Variants in CDH13 observed in about 807,000 individuals in gnomAD.
The protein encoded by CDH13 is cadherin 13, also known as cadherin-13.
A neutral mutation model predicts 63.8 loss-of-function variants in CDH13; 24 were observed. The ratio of observed to expected loss-of-function variants is 0.38; its 90% CI spans 0.27 to 0.53. CDH13 has a LOEUF of 0.53. Among genes scored for constraint, CDH13 ranks in the 20% least tolerant of loss-of-function variants. The pLI is 0.85. For synonymous variants in CDH13, 503 were observed against 355.3 expected (o/e 1.42, Z -4.67); for missense variants, 1,049 against 903.1 (o/e 1.16, Z -2.07).
intron 1 of CDH13, among the ~76,000 whole-genome samples, chr16:82,668,592 A>G (rs72832178): frequency 0.24 from 36,533 of 152,110 alleles, 4,929 homozygotes; most frequent in East Asian, 0.56. Context: ...GGTGTGAACA[A>G]TGATAAGAGT....
At chr16:83,416,854 G>A (rs1161253276) in intron 6 of CDH13, among the ~76,000 whole-genome samples, 2 of 152,174 alleles carry the variant, frequency 1.3e-5, no homozygotes, top group Non-Finnish European at 2.9e-5. Flanking sequence ...TCATCAGTAA[G>A]ATGGGGATAA....
At chr16:83,446,300 C>CA (rs200693082) in intron 6 of CDH13, among the ~76,000 whole-genome samples, 8,516 of 82,030 alleles carry the variant, frequency 0.1, 296 homozygotes, top group Middle Eastern at 0.15. Context: ...GAGACTGTCT[C>CA]AAAAAAAAAA....
At chr16:83,570,862 ATATT>A (rs1904540045) in intron 7 of CDH13, among the ~76,000 whole-genome samples, 1 of 138,254 alleles carries the variant, frequency 7.2e-6, no homozygotes, top group Non-Finnish European at 1.5e-5. Flanking sequence ...AAATATAAAT[ATATT>A]TATATATTTA....
chr16:83,366,187 G>A (rs1257528409), intron 6 of CDH13, among the ~76,000 whole-genome samples: 2 of 152,180 alleles, frequency 1.3e-5, no homozygotes, highest in African/African-American at 2.4e-5. Context: ...ATAAACTGTT[G>A]AACAGCTATC....
At chr16:83,563,069 C>T (rs999480431) in intron 7 of CDH13, among the ~76,000 whole-genome samples, 7 of 152,160 alleles carry the variant, frequency 4.6e-5, no homozygotes, top group African/African-American at 1.7e-4. Context: ...CTTTCATGAT[C>T]AGAAGTACAG....
In CDH13 at chr16:83,451,751, C is replaced by G. The variant is rs189942482; in HGVS notation, c.782-34726C>G. Among the ~76,000 whole-genome samples the G allele has an allele frequency of 1.8e-4, 27 of 152,364 alleles. No homozygotes were observed. In the East Asian group the frequency reaches 5.0e-3, roughly 28 times the overall value. ...CAGGCTGGTCTTGAACTCCTGGACT[C>G]AAGTGATCCTCCTATCTTGGCCTCG... On this transcript the variant is annotated intron_variant, in intron 6 of 13. Coordinates refer to ENST00000567109, the MANE Select transcript of CDH13 (RefSeq NM_001257.5).
intron 3 of CDH13, among the ~76,000 whole-genome samples, chr16:83,062,243 AC>A (rs1448237043): frequency 1.3e-5 from 2 of 152,056 alleles, no homozygotes; most frequent in African/African-American, 4.8e-5. Flanking sequence ...TAAATTGAGT[AC>A]CCCCTGTCAG....
chr16:83,070,892 G>C (rs1413227151), intron 3 of CDH13, among the ~76,000 whole-genome samples: 1 of 145,882 alleles, frequency 6.9e-6, no homozygotes, highest in Non-Finnish European at 1.5e-5. Context: ...CTAAACAACA[G>C]GAGTTTATTT....
At chr16:83,170,869 A>C (rs140071649) in intron 4 of CDH13, among the ~76,000 whole-genome samples, 1,588 of 152,148 alleles carry the variant, frequency 0.01, 28 homozygotes, top group South Asian at 0.041. Flanking sequence ...TTCCAAAAAT[A>C]GAGAGAAGAG....
intron 6 of CDH13, among the ~76,000 whole-genome samples, chr16:83,413,794 C>A (rs555871826): frequency 6.6e-6 from 1 of 152,154 alleles, no homozygotes; most frequent in Admixed American, 6.5e-5. Flanking sequence ...TCGAGTCCAG[C>A]CTGGCCAACA....
chr16:82,661,600 G>C (rs980543851), intron 1 of CDH13, among the ~76,000 whole-genome samples: 1 of 152,200 alleles, frequency 6.6e-6, no homozygotes, highest in South Asian at 2.1e-4. Context: ...TTTATTTCAG[G>C]GAGCCTGTGC....
intron 2 of CDH13, among the ~76,000 whole-genome samples, chr16:82,886,010 CATAAT>C (rs1205833794): frequency 6.6e-6 from 1 of 152,028 alleles, no homozygotes; most frequent in Non-Finnish European, 1.5e-5. Context: ...GTAAAAGATA[CATAAT>C]ATAATGTCTA....
At position 82,816,014 on chromosome 16, in the gene CDH13, C is replaced by G. The variant is rs528791861; in HGVS notation, c.46-42348C>G. ...TACCAAGTATGTGACAGTAGGTAGA[C>G]TGCTGGGAAGCCTGGGTCTGATACA... On this transcript the variant is annotated intron_variant, in intron 1 of 13. Coordinates refer to ENST00000567109, the MANE Select transcript of CDH13 (RefSeq NM_001257.5). Among the ~76,000 whole-genome samples the G allele has an allele frequency of 2.0e-5, 3 of 152,214 alleles. No homozygotes were observed. In the South Asian group the frequency reaches 6.2e-4, roughly 32 times the overall value.
chr16:83,423,807 G>C (rs1181576531), intron 6 of CDH13, among the ~76,000 whole-genome samples: 1 of 152,178 alleles, frequency 6.6e-6, no homozygotes, highest in Non-Finnish European at 1.5e-5. Context: ...GGTGGCCCTT[G>C]AGCATTCCTG....
At chr16:82,767,451 T>A (rs1387431485) in intron 1 of CDH13, among the ~76,000 whole-genome samples, 1 of 152,152 alleles carries the variant, frequency 6.6e-6, no homozygotes, top group Non-Finnish European at 1.5e-5. Flanking sequence ...TTTAGGATCC[T>A]TGCATGTTGT....
At chr16:83,787,630 T>C (rs73247442) in intron 13 of CDH13, among the ~76,000 whole-genome samples, 19,673 of 152,122 alleles carry the variant, frequency 0.13, 2,122 homozygotes, top group African/African-American at 0.3. Context: ...GACCAGCACT[T>C]AGAAGCCACT....
intron 8 of CDH13, among the ~76,000 whole-genome samples, chr16:83,625,879 C>A (rs920739537): frequency 5.9e-5 from 9 of 152,216 alleles, no homozygotes; most frequent in African/African-American, 2.2e-4. Context: ...GAGACAAATG[C>A]AAGCAATAGT....
Position 82,676,547 on chromosome 16 carries a change from C to T in CDH13, c.45+49410C>T, listed in dbSNP as rs141213251. ...TCTGGCCCCCCAGATGGTCATACCACAATCACTCTTACCTTCTTCCAATCT... is the reference window on the plus strand; with the variant it reads ...TCTGGCCCCCCAGATGGTCATACCATAATCACTCTTACCTTCTTCCAATCT... On this transcript the variant is annotated intron_variant, in intron 1 of 13. Transcript: ENST00000567109. Among the ~76,000 whole-genome samples, 473 of 140,574 alleles carry T rather than the reference C, an allele frequency of 3.4e-3. 7 individuals carry two copies. The highest frequency in any genetic ancestry group is 0.023 in the Admixed American group (304 of 13,284). The allele number at this position is 140,574 out of a possible 152,430, so 92.2% of individuals were successfully genotyped here.
At chr16:83,167,652 G>C (rs552102161) in intron 4 of CDH13, among the ~76,000 whole-genome samples, 1 of 151,144 alleles carries the variant, frequency 6.6e-6, no homozygotes, top group Admixed American at 6.6e-5. Context: ...CAAAGCTCTC[G>C]TATCAATTCC....
Sources: gnomAD v4.1 joint callset for allele counts (sites outside exome capture counted in the v4.1 genomes callset) on GRCh38, gnomAD v4.1.1 for gene constraint, MANE v1.5 for transcripts, NCBI Gene and HGNC (gene_info 2026-07-23, HGNC 2026-07-21) for gene names.